MID1: variants seen among roughly 807,000 people sequenced by gnomAD.
MID1 encodes the protein midline 1.
Under a neutral mutation model 40.4 loss-of-function variants are expected in MID1, and 7 were observed. That is an observed-to-expected ratio of 0.17 (90% CI 0.10 to 0.33). MID1 has a LOEUF of 0.33. Among genes scored for constraint, MID1 ranks in the 10% least tolerant of loss-of-function variants. The pLI, the probability that MID1 is intolerant of heterozygous loss-of-function variation, is 1.00. For synonymous variants in MID1, 229 were observed against 221.2 expected, an observed-to-expected ratio of 1.04 and a Z score of -0.31; for missense variants, 367 against 558.5, an observed-to-expected ratio of 0.66 and a Z score of 3.46.
chrX:10,538,924 GT>G (rs1365560113), intron 2 of MID1, among the ~76,000 whole-genome samples: 1 of 112,260 alleles, frequency 8.9e-6, no homozygotes, highest in Middle Eastern at 4.2e-3. Context: ...ATTGGATAGA[GT>G]TTAATCATAT....
chrX:10,572,187 T>TACAC (rs376684211), intron 1 of MID1, among the ~76,000 whole-genome samples: 566 of 90,996 alleles, frequency 6.2e-3, no homozygotes, highest in Middle Eastern at 0.016. Flanking sequence ...ATGTATCTAA[T>TACAC]ACACACACAC....
intron 1 of MID1, among the ~76,000 whole-genome samples, chrX:10,760,548 C>T (rs1489764083): frequency 8.9e-6 from 1 of 111,734 alleles, no homozygotes; most frequent in Admixed American, 9.5e-5. Flanking sequence ...AAAAACAAAA[C>T]AAGGTCGGGG....
chrX:10,703,246 A>C (rs2147083485), intron 1 of MID1, among the ~76,000 whole-genome samples: 1 of 112,864 alleles, frequency 8.9e-6, no homozygotes, highest in African/African-American at 3.2e-5. Context: ...TTAATCTTTA[A>C]GTATTATTAC....
intron 1 of MID1, among the ~76,000 whole-genome samples, chrX:10,804,691 C>T (rs773507781): frequency 9.0e-6 from 1 of 111,066 alleles, no homozygotes; most frequent in East Asian, 2.8e-4. Flanking sequence ...TTTTATTATG[C>T]TTGTGCCCCT....
intron 1 of MID1, among the ~76,000 whole-genome samples, chrX:10,676,779 C>T (rs1207751942): frequency 9.0e-6 from 1 of 111,450 alleles, no homozygotes; most frequent in African/African-American, 3.3e-5. Context: ...TCATTCCTGC[C>T]AGGCGAATCC....
chrX:10,469,470 C>T (rs766593474), intron 7 of MID1: 1 of 1,110,361 alleles, frequency 9.0e-7, no homozygotes, highest in Non-Finnish European at 1.2e-6. Context: ...TTTCCCTTAA[C>T]ATCCATGTGG....
At chrX:10,466,398 G>T (rs747647863) in intron 7 of MID1, among the ~76,000 whole-genome samples, 4 of 111,711 alleles carry the variant, frequency 3.6e-5, no homozygotes, top group East Asian at 5.6e-4. Flanking sequence ...AGTGTGTGTG[G>T]ATCAGTGTGT....
chrX:10,627,305 C>T (rs1936005358), intron 1 of MID1, among the ~76,000 whole-genome samples: 1 of 111,404 alleles, frequency 9.0e-6, no homozygotes, highest in African/African-American at 3.3e-5. Flanking sequence ...AATGTGATCA[C>T]GTCATACACA....
intron 1 of MID1, among the ~76,000 whole-genome samples, chrX:10,768,175 A>C (rs1311553486): frequency 9.9e-5 from 11 of 111,352 alleles, no homozygotes; most frequent in Non-Finnish European, 2.1e-4. Flanking sequence ...TACTGGTATT[A>C]TTAATATAAG....
chrX:10,693,517 G>A (rs1337542812), intron 1 of MID1, among the ~76,000 whole-genome samples: 1 of 110,917 alleles, frequency 9.0e-6, no homozygotes, highest in African/African-American at 3.3e-5. Flanking sequence ...ATTATTTTTT[G>A]ACATCCAGAG....
chrX:10,821,103 C>T (rs62589992), intron 1 of MID1, among the ~76,000 whole-genome samples: 3,213 of 111,873 alleles, frequency 0.029, 42 homozygotes, highest in South Asian at 0.055. Context: ...GGAATGGATC[C>T]AGATACTATG....
intron 1 of MID1, among the ~76,000 whole-genome samples, chrX:10,572,223 T>C (rs867619555): frequency 1.9e-5 from 2 of 107,488 alleles, no homozygotes; most frequent in African/African-American, 6.8e-5. Flanking sequence ...CACACACATA[T>C]ATATATAGCT....
At chrX:10,746,314 G>C (rs1410447107) in intron 1 of MID1, among the ~76,000 whole-genome samples, 1 of 111,680 alleles carries the variant, frequency 9.0e-6, no homozygotes, top group Non-Finnish European at 1.9e-5. Context: ...CAATTGACTT[G>C]ATACCTTATG....
At chrX:10,661,645 T>A (rs1007421759) in intron 1 of MID1, among the ~76,000 whole-genome samples, 1 of 111,872 alleles carries the variant, frequency 8.9e-6, no homozygotes, top group African/African-American at 3.2e-5. Context: ...ATAAAAAAAG[T>A]TATATCAAAA....
chrX:10,618,611 T>C (rs1324659012), intron 1 of MID1, among the ~76,000 whole-genome samples: 3 of 112,023 alleles, frequency 2.7e-5, no homozygotes, highest in Non-Finnish European at 5.6e-5. Flanking sequence ...GTTCACTATA[T>C]GTGTACTTGT....
At chrX:10,516,276 G>C (rs921299140) in intron 3 of MID1, among the ~76,000 whole-genome samples, 22 of 99,763 alleles carry the variant, frequency 2.2e-4, no homozygotes, top group Non-Finnish European at 3.0e-4. Context: ...CTCACTGCAA[G>C]CTCTGCCTCC....
chrX:10,537,285 C>A (rs1013608566), intron 2 of MID1, among the ~76,000 whole-genome samples: 1 of 111,719 alleles, frequency 9.0e-6, no homozygotes, highest in African/African-American at 3.3e-5. Context: ...TAATGCCCCC[C>A]CAACCATTGG....
intron 4 of MID1, 120 bp downstream of exon 4, chrX:10,495,464 G>T: frequency 1.7e-6 from 1 of 582,257 alleles, no homozygotes; most frequent in Non-Finnish European, 2.8e-6. Context: ...AAAGACTTAA[G>T]AGGGAATTAT....
intron 1 of MID1, among the ~76,000 whole-genome samples, chrX:10,816,094 C>T (rs902004612): frequency 8.9e-6 from 1 of 111,756 alleles, no homozygotes; most frequent in Admixed American, 9.5e-5. Flanking sequence ...AGCTCTCACT[C>T]GGAGATTCTG....
Sources: allele counts gnomAD v4.1 joint callset (sites outside exome capture counted in the v4.1 genomes callset), GRCh38; gene constraint gnomAD v4.1.1; transcripts MANE v1.5; gene names NCBI Gene and HGNC (gene_info 2026-07-23, HGNC 2026-07-21).